SLC67A2: variants seen among roughly 807,000 people sequenced by gnomAD.
SLC67A2 encodes solute carrier family 67 member A2.
At chr2:102,717,788 T>C in the SLC67A2 span, 1 of 152,698 alleles carries the variant, frequency 6.5e-6, no homozygotes, top group African/African-American at 2.4e-5. Context: ...TCGCCAGCAG[T>C]GCTTACAAAA....
At chr2:102,715,280 G>A in the SLC67A2 span, among the ~76,000 whole-genome samples, 12 of 152,224 alleles carry the variant, frequency 7.9e-5, no homozygotes, top group African/African-American at 2.2e-4. Flanking sequence ...ATCTCAACCC[G>A]AGCATGGCAG....
the SLC67A2 span, chr2:102,736,833 A>G: frequency 5.0e-6 from 8 of 1,584,934 alleles, no homozygotes; most frequent in Non-Finnish European, 6.9e-6. Context: ...CGGGGGTCGG[A>G]CGCAGCAGCA....
the SLC67A2 span, chr2:102,718,641 C>T: frequency 6.2e-7 from 1 of 1,613,764 alleles, no homozygotes; most frequent in Non-Finnish European, 8.5e-7. Flanking sequence ...GCCCCGCCCA[C>T]AGTCAGCTGG....
the SLC67A2 span, chr2:102,718,508 G>C: frequency 6.2e-7 from 1 of 1,614,020 alleles, no homozygotes; most frequent in Non-Finnish European, 8.5e-7. Context: ...GGCTAACACA[G>C]CGCCCAGGCT....
the SLC67A2 span, among the ~76,000 whole-genome samples, chr2:102,715,419 C>T: frequency 1.3e-5 from 2 of 152,148 alleles, no homozygotes; most frequent in Non-Finnish European, 2.9e-5. Context: ...GTGATTCCAG[C>T]TCCTTCTGTT....
At chr2:102,725,560 A>C in the SLC67A2 span, among the ~76,000 whole-genome samples, 1 of 152,172 alleles carries the variant, frequency 6.6e-6, no homozygotes, top group African/African-American at 2.4e-5. Context: ...TGCCCACCAA[A>C]GACAATAAAC....
At chr2:102,719,816 G>A in the SLC67A2 span, among the ~76,000 whole-genome samples, 1 of 152,306 alleles carries the variant, frequency 6.6e-6, no homozygotes, top group Admixed American at 6.5e-5. Flanking sequence ...TGGCTTGACC[G>A]ATGGGCAGGG....
chr2:102,734,295 C>A, the SLC67A2 span, among the ~76,000 whole-genome samples: 1 of 152,126 alleles, frequency 6.6e-6, no homozygotes, highest in African/African-American at 2.4e-5. Context: ...GAAAACAAAT[C>A]TCACCAAGTA....
the SLC67A2 span, among the ~76,000 whole-genome samples, chr2:102,719,888 T>C: frequency 6.6e-6 from 1 of 152,270 alleles, no homozygotes; most frequent in Admixed American, 6.5e-5. Flanking sequence ...CAGGGTCATC[T>C]AGTGCTTGTG....
chr2:102,735,221 G>A, the SLC67A2 span, among the ~76,000 whole-genome samples: 731 of 152,334 alleles, frequency 4.8e-3, 4 homozygotes, highest in African/African-American at 0.017. Context: ...AAGGCATGGA[G>A]CTGGAGGGTG....
At chr2:102,723,045 A>G in the SLC67A2 span, among the ~76,000 whole-genome samples, 1 of 152,268 alleles carries the variant, frequency 6.6e-6, no homozygotes, top group Non-Finnish European at 1.5e-5. Flanking sequence ...TGGAAAAACA[A>G]AAGGTGTTCA....
the SLC67A2 span, among the ~76,000 whole-genome samples, chr2:102,721,708 T>C: frequency 6.6e-6 from 1 of 152,100 alleles, no homozygotes; most frequent in Non-Finnish European, 1.5e-5. Context: ...TATGTATATA[T>C]GTATGTCTTT....
the SLC67A2 span, among the ~76,000 whole-genome samples, chr2:102,721,687 G>C: frequency 4.6e-5 from 7 of 151,418 alleles, no homozygotes; most frequent in Non-Finnish European, 8.8e-5. Context: ...GTGTGTCTGT[G>C]TGTGTGTCTG....
chr2:102,728,372 T>C, the SLC67A2 span, among the ~76,000 whole-genome samples: 3 of 152,232 alleles, frequency 2.0e-5, no homozygotes, highest in South Asian at 2.1e-4. Flanking sequence ...CCACTAACCA[T>C]GGAAGGAATC....
chr2:102,723,452 A>G, the SLC67A2 span, among the ~76,000 whole-genome samples: 18 of 152,198 alleles, frequency 1.2e-4, no homozygotes, highest in African/African-American at 4.3e-4. Context: ...CTGGCCAACA[A>G]GAGCAAAACT....
chr2:102,734,735 G>C, the SLC67A2 span, among the ~76,000 whole-genome samples: 4 of 151,898 alleles, frequency 2.6e-5, no homozygotes. Context: ...ACACCTAATG[G>C]TTCTCTTGAA....
chr2:102,736,827 G>A, the SLC67A2 span: 3 of 1,590,508 alleles, frequency 1.9e-6, no homozygotes, highest in Non-Finnish European at 2.6e-6. Context: ...GCCGGCCGGG[G>A]GTCGGACGCA....
At chr2:102,722,283 C>T in the SLC67A2 span, among the ~76,000 whole-genome samples, 1 of 152,198 alleles carries the variant, frequency 6.6e-6, no homozygotes, top group South Asian at 2.1e-4. Flanking sequence ...AGGCCTGGTA[C>T]AATGCCCTCC....
chr2:102,723,198 C>G, the SLC67A2 span, among the ~76,000 whole-genome samples: 1 of 152,334 alleles, frequency 6.6e-6, no homozygotes, highest in East Asian at 1.9e-4. Context: ...GGGCTGGGCG[C>G]AGTGGCTCGC....
Sources: allele counts gnomAD v4.1 joint callset (sites outside exome capture counted in the v4.1 genomes callset), GRCh38; gene constraint gnomAD v4.1.1; transcripts MANE v1.5; gene names NCBI Gene and HGNC (gene_info 2026-07-23, HGNC 2026-07-21).